DCST2: variants seen among roughly 807,000 people sequenced by gnomAD.
DCST2 encodes DC-STAMP domain containing 2, also known as DC-STAMP domain-containing protein 2.
A neutral mutation model predicts 81.8 loss-of-function variants in DCST2; 64 were observed. The observed-to-expected ratio is 0.78, with a 90% CI of 0.64 to 0.96. The LOEUF (loss-of-function observed/expected upper bound fraction) is 0.96, where lower values mean the gene tolerates loss of function less well. Among genes scored for constraint, DCST2 ranks in the 40% least tolerant of loss-of-function variants. DCST2 has a pLI of 0.00. For missense variants in DCST2, 945 were observed against 1,001.4 expected, an observed-to-expected ratio of 0.94 and a Z score of 0.76; for synonymous variants, 354 against 402.6, an observed-to-expected ratio of 0.88 and a Z score of 1.44.
intron 6 of DCST2, 33 bp downstream of exon 6, chr1:155,030,399 C>T: frequency 1.2e-6 from 2 of 1,608,312 alleles, no homozygotes; most frequent in East Asian, 2.2e-5. Flanking sequence ...ACCCCCGGCC[C>T]TGCATCCCCC....
At position 155,032,982 on chromosome 1, in the gene DCST2, G is replaced by A. The variant is rs947541612; in HGVS notation, c.439+112C>T. 3 of 1,273,958 alleles carry A rather than the reference G, an allele frequency of 2.4e-6. No homozygotes were observed. The African/African-American group carries it at 4.5e-5, about 19-fold the overall frequency. 78.9% of individuals were successfully genotyped at this position (1,273,958 alleles called of 1,614,324 possible). A position where few individuals can be genotyped will look rare whatever the true frequency, so the allele number is the denominator to read the frequency against. ...GTGCCCAGAGTCCCTTCCAGGCCCA[G>A]ATGCTCCGCGATTAGCACCAGCAGA... On this transcript the variant is annotated intron_variant, in intron 2 of 14. Transcript: ENST00000368424.
At chr1:155,031,376 T>A in intron 4 of DCST2, 142 bp from the exon 5 acceptor site, 1 of 1,053,254 alleles carries the variant, frequency 9.5e-7, no homozygotes, top group Non-Finnish European at 1.4e-6. Context: ...AGCACCTCCC[T>A]GTCGCCCTTC....
rs1659904182 is a variant in DCST2, at chr1:155,026,203, C to A, written c.1611+99G>T. 2.7e-6 allele frequency: 3 copies of A among 1,095,616 alleles called. No individual in the cohort carries two copies. The East Asian group carries it at 7.6e-5, about 28-fold the overall frequency. 67.9% of individuals were successfully genotyped at this position (1,095,616 alleles called of 1,614,324 possible). On this transcript the variant is annotated intron_variant, in intron 10 of 14. Coordinates refer to ENST00000368424, the MANE Select transcript of DCST2 (RefSeq NM_144622.3). ...TCAACCAGAGGAGAGCGGGCTGGGG[C>A]TGCTGAAGGAAGTCAGCTCCCAAAG...
intron 2 of DCST2, 118 bp downstream of exon 2, chr1:155,032,976 G>T: frequency 8.1e-7 from 1 of 1,233,748 alleles, no homozygotes; most frequent in Non-Finnish European, 1.1e-6. Context: ...GTCCCTTCCA[G>T]GCCCAGATGC....
Position 155,031,708 on chromosome 1 carries a change from A to G in DCST2, c.605T>C (p.Leu202Pro), listed in dbSNP as rs1660089603. The G allele has an allele frequency of 6.2e-7, 1 of 1,614,110 alleles. No individual in the cohort carries two copies. ...LHIGDVCNSE[L>P]GNPYLKCARV... The stretch of plus-strand genomic sequence containing the variant: ...TGCACACTTCAGGTAAGGGTTGCCC[A>G]GTTCCGAGTTGCACACATCGCCGAT... The change falls in exon 4 of 15, where the codon CTG (leucine) becomes CCG (proline). Residue 202 changes from leucine to proline, a missense_variant. Coordinates refer to ENST00000368424, the MANE Select transcript of DCST2 (RefSeq NM_144622.3).
intron 8 of DCST2, among the ~76,000 whole-genome samples, chr1:155,028,868 C>CAA (rs71767777): frequency 0.44 from 44,345 of 101,006 alleles, 9,635 homozygotes; most frequent in East Asian, 0.83. Context: ...GACTCTGTCT[C>CAA]AAAAAAAAAA....
intron 6 of DCST2, 83 bp downstream of exon 6, chr1:155,030,349 G>A (rs1660037133): frequency 6.3e-7 from 1 of 1,593,708 alleles, no homozygotes; most frequent in Admixed American, 1.7e-5. Flanking sequence ...GGATGCTGGG[G>A]CAGGGAGAAA....
intron 10 of DCST2, 132 bp downstream of exon 10, chr1:155,026,170 T>C: frequency 2.5e-6 from 2 of 806,092 alleles, no homozygotes; most frequent in Non-Finnish European, 4.0e-6. Context: ...GGTCATTTGC[T>C]TTGGAGTTCA....
chr1:155,033,612 A>G lies in DCST2; in HGVS notation c.90T>C (p.Phe30=), dbSNP rs142520132. Reference sequence around the variant, plus strand: ...CCGTGGCTAAAGACAAGCCCAGGGTAAAACCTCCCACGCTGCGAACCACAG... The same window carrying G: ...CCGTGGCTAAAGACAAGCCCAGGGTGAAACCTCCCACGCTGCGAACCACAG... The part of the protein sequence containing the change: ...ARAVVRSVGG[F]TLGLSLATAY... Residue 30 remains phenylalanine (F), a synonymous_variant, in exon 1 of 15, where the codon TTT becomes TTC. Transcript: ENST00000368424. The G allele has an allele frequency of 6.2e-7, 1 of 1,614,192 alleles. No homozygotes were observed. The highest frequency in any genetic ancestry group is 1.1e-5 in the South Asian group (1 of 91,090).
In DCST2 at chr1:155,024,452, A is replaced by G. The variant is rs1169568631; in HGVS notation, c.1742+20T>C. 1 of 1,583,860 alleles carries G rather than the reference A, an allele frequency of 6.3e-7. No individual in the cohort carries two copies. The highest frequency in any genetic ancestry group is 8.6e-7 in the Non-Finnish European group (1 of 1,163,576). On this transcript the variant is annotated intron_variant, in intron 11 of 14. Coordinates refer to ENST00000368424, the MANE Select transcript of DCST2 (RefSeq NM_144622.3). ...CTATCCCCTCTTGCCCCACCCCTAT[A>G]GAAAAGACAGTGGCCTCACCGACTG...
intron 5 of DCST2, chr1:155,030,900 G>A: frequency 1.7e-6 from 1 of 605,908 alleles, no homozygotes; most frequent in Middle Eastern, 4.4e-4. Flanking sequence ...TTGATGACCT[G>A]AGTGTGGACC....
chr1:155,024,325 C>T (rs1659838974), intron 11 of DCST2, 147 bp downstream of exon 11: 1 of 1,136,836 alleles, frequency 8.8e-7, no homozygotes, highest in Non-Finnish European at 1.2e-6. Flanking sequence ...AAAAGAATTC[C>T]CACCTTTCAC....
chr1:155,024,086 A>G (rs1364641832), intron 11 of DCST2, 127 bp from the exon 12 acceptor site: 2 of 1,339,794 alleles, frequency 1.5e-6, no homozygotes, highest in African/African-American at 2.9e-5. Context: ...CATCCCTCTG[A>G]TTTCAGCAGC....
In DCST2 at chr1:155,030,640, TCA is replaced by T; in HGVS notation, c.809_810del (p.Val270AspfsTer12). On this transcript the variant is annotated frameshift_variant, in exon 6 of 15. Coordinates refer to ENST00000368424, the MANE Select transcript of DCST2 (RefSeq NM_144622.3). LOFTEE classifies it high-confidence loss of function. ...TGACGCACCCGGTTGAGCAACTGAA[TCA>T]CGGCTGGGGCCAGCAGGTTCAGGGG... Reference protein sequence around the residue: ...PFLRQTIGTPVIQLLNRVRQE... With the variant: ...PFLRQTIGTPXIQLLNRVRQE... 6.2e-7 allele frequency: 1 copy of T among 1,613,952 alleles called. No homozygotes were observed. Among genetic ancestry groups the T allele is most frequent in the Non-Finnish European group, 8.5e-7 (1 of 1,180,000 alleles).
intron 5 of DCST2, 93 bp from the exon 6 acceptor site, chr1:155,030,738 C>G (rs539486841): frequency 3.6e-6 from 5 of 1,399,210 alleles, no homozygotes; most frequent in Non-Finnish European, 4.9e-6. Context: ...GCCCAGGGGG[C>G]GCAGCTTACA....
Position 155,020,400 on chromosome 1 carries a change from T to C in DCST2, c.2106-1640A>G, listed in dbSNP as rs113738972. 9.9e-3 allele frequency among the ~76,000 whole-genome samples: 1,501 copies of C among 152,222 alleles called. 25 individuals are homozygous for C. Among genetic ancestry groups the C allele is most frequent in the African/African-American group, 0.034 (1,424 of 41,534 alleles). On this transcript the variant is annotated intron_variant, in intron 14 of 14. Coordinates refer to ENST00000368424, the MANE Select transcript of DCST2 (RefSeq NM_144622.3). ...ATTTATTTATTTTGAGACAGAGTCT[T>C]GCTCTGTCGCCCAGGCTGGAGTGCA... is the stretch of plus-strand genomic sequence containing the variant.
At position 155,033,278 on chromosome 1, in the gene DCST2, C is replaced by T. The variant is rs1482726373; in HGVS notation, c.269-14G>A. 2 of 1,603,532 alleles carry T rather than the reference C, an allele frequency of 1.2e-6. No homozygotes were observed. Among genetic ancestry groups the T allele is most frequent in the East Asian group, 2.2e-5 (1 of 44,836 alleles). ...TCCGGCCCTGCCCTGGGGGCGACAG[C>T]TTTGTTAGAACCAAGACCCCAGCCC... is the stretch of plus-strand genomic sequence containing the variant. On this transcript the variant is annotated splice_polypyrimidine_tract_variant and intron_variant, in intron 1 of 14. Coordinates refer to ENST00000368424, the MANE Select transcript of DCST2 (RefSeq NM_144622.3).
At chr1:155,029,430 C>A (rs750915865) in intron 7 of DCST2, 33 bp from the exon 8 acceptor site, 1 of 1,602,882 alleles carries the variant, frequency 6.2e-7, no homozygotes, top group Admixed American at 1.7e-5. Context: ...GGAGGATGCT[C>A]CCCAGTTCTC....
chr1:155,032,657 A>T lies in DCST2; in HGVS notation c.541+10T>A. 1 of 1,612,962 alleles carries T rather than the reference A, an allele frequency of 6.2e-7. No individual in the cohort carries two copies. The highest frequency in any genetic ancestry group is 8.5e-7 in the Non-Finnish European group (1 of 1,179,224). ...TTGAGTCCCCGGGATAGACATGCTA[A>T]TGTGCTTACCTATGTGTTTCACACC... is the stretch of plus-strand genomic sequence containing the variant. On this transcript the variant is annotated intron_variant, in intron 3 of 14. Coordinates refer to ENST00000368424, the MANE Select transcript of DCST2 (RefSeq NM_144622.3).
Sources: gnomAD v4.1 joint callset for allele counts (sites outside exome capture counted in the v4.1 genomes callset) on GRCh38, gnomAD v4.1.1 for gene constraint, MANE v1.5 for transcripts, NCBI Gene and HGNC (gene_info 2026-07-23, HGNC 2026-07-21) for gene names.